The following DOCK4 variants were observed in gnomAD, a reference collection of about 807,000 sequenced individuals.
The protein encoded by DOCK4 is dedicator of cytokinesis 4, also known as dedicator of cytokinesis protein 4.
In DOCK4, 97 loss-of-function variants were observed where a neutral mutation model predicts 268.1. That is an observed-to-expected ratio of 0.36 (90% CI 0.31 to 0.43). DOCK4 has a LOEUF of 0.43. Ranked by LOEUF, DOCK4 falls within the 20% of genes least tolerant of loss-of-function variation. DOCK4 has a pLI of 1.00. For synonymous variants in DOCK4, 954 were observed against 887.2 expected, an observed-to-expected ratio of 1.08 and a Z score of -1.34; for missense variants, 2,145 against 2,455.7, an observed-to-expected ratio of 0.87 and a Z score of 2.67.
chr7:111,978,631 G>A (rs759435773), intron 7 of DOCK4, among the ~76,000 whole-genome samples: 1 of 152,186 alleles, frequency 6.6e-6, no homozygotes, highest in Non-Finnish European at 1.5e-5. Flanking sequence ...GGTAAGGAGG[G>A]TGCAGGACTT....
At chr7:111,821,323 TG>T (rs1801961360) in intron 27 of DOCK4, 1 of 152,038 alleles carries the variant, frequency 6.6e-6, no homozygotes, top group Non-Finnish European at 1.5e-5. Context: ...AGCATGAGGG[TG>T]TTGGCGTTTG....
intron 1 of DOCK4, among the ~76,000 whole-genome samples, chr7:112,151,353 A>G (rs1816052816): frequency 6.6e-6 from 1 of 152,150 alleles, no homozygotes; most frequent in Non-Finnish European, 1.5e-5. Context: ...CATGCATGTT[A>G]GGTACTCAAT....
At chr7:111,786,355 G>A (rs377090469) in intron 32 of DOCK4, among the ~76,000 whole-genome samples, 10 of 152,220 alleles carry the variant, frequency 6.6e-5, no homozygotes, top group African/African-American at 1.7e-4. Context: ...TAGATAAAGC[G>A]GAATGAGCGA....
intron 25 of DOCK4, among the ~76,000 whole-genome samples, chr7:111,835,720 G>A (rs1803184444): frequency 6.6e-6 from 1 of 152,190 alleles, no homozygotes; most frequent in African/African-American, 2.4e-5. Flanking sequence ...CATGGAAAGA[G>A]ACTACAGACT....
intron 12 of DOCK4, among the ~76,000 whole-genome samples, chr7:111,924,321 G>C (rs1219417703): frequency 6.6e-6 from 1 of 152,072 alleles, no homozygotes; most frequent in Non-Finnish European, 1.5e-5. Context: ...GATATGGAGT[G>C]GGTTACACAT....
intron 1 of DOCK4, among the ~76,000 whole-genome samples, chr7:112,070,761 A>G (rs1376572143): frequency 6.6e-6 from 1 of 152,238 alleles, no homozygotes; most frequent in African/African-American, 2.4e-5. Flanking sequence ...TGAACAAAAA[A>G]AGAAATCGCC....
At chr7:112,175,341 CAT>C (rs1818417355) in intron 1 of DOCK4, among the ~76,000 whole-genome samples, 1 of 152,170 alleles carries the variant, frequency 6.6e-6, no homozygotes, top group African/African-American at 2.4e-5. Context: ...TACCATTATA[CAT>C]GTTTTAAAAA....
intron 51 of DOCK4, among the ~76,000 whole-genome samples, chr7:111,733,845 TTTC>T (rs2133381691): frequency 6.6e-6 from 1 of 152,322 alleles, no homozygotes; most frequent in South Asian, 2.1e-4. Flanking sequence ...CTTAAAGTTA[TTTC>T]TTGTTTTCTT....
intron 1 of DOCK4, among the ~76,000 whole-genome samples, chr7:112,192,886 G>A (rs559339427): frequency 6.6e-6 from 1 of 152,008 alleles, no homozygotes; most frequent in South Asian, 2.1e-4. Context: ...AATGCAACAA[G>A]TAAATCTTTA....
At chr7:112,074,786 C>T (rs1586769145) in intron 1 of DOCK4, among the ~76,000 whole-genome samples, 1 of 152,204 alleles carries the variant, frequency 6.6e-6, no homozygotes, top group East Asian at 1.9e-4. Flanking sequence ...GGCTGGCCAA[C>T]CCTCCTTAAA....
At chr7:111,735,551 A>C (rs1795416047) in intron 50 of DOCK4, among the ~76,000 whole-genome samples, 1 of 152,240 alleles carries the variant, frequency 6.6e-6, no homozygotes, top group South Asian at 2.1e-4. Flanking sequence ...AAAATGGAGA[A>C]GGCAATGACA....
At chr7:112,185,899 A>C (rs1426549221) in intron 1 of DOCK4, among the ~76,000 whole-genome samples, 1 of 152,246 alleles carries the variant, frequency 6.6e-6, no homozygotes, top group Non-Finnish European at 1.5e-5. Context: ...CACTGGCTGC[A>C]GCTGAGGGTA....
At chr7:112,055,728 T>C (rs1199284121) in intron 1 of DOCK4, among the ~76,000 whole-genome samples, 1 of 151,894 alleles carries the variant, frequency 6.6e-6, no homozygotes, top group East Asian at 1.9e-4. Context: ...GCCAATGTGG[T>C]GAAACCCCGT....
intron 23 of DOCK4, among the ~76,000 whole-genome samples, chr7:111,849,697 T>C (rs990071468): frequency 2.6e-5 from 4 of 152,190 alleles, no homozygotes; most frequent in African/African-American, 9.7e-5. Context: ...TGTGAACTAA[T>C]GAAGCATCAC....
At chr7:112,026,798 GA>G (rs897480617) in intron 1 of DOCK4, among the ~76,000 whole-genome samples, 1 of 152,124 alleles carries the variant, frequency 6.6e-6, no homozygotes, top group Non-Finnish European at 1.5e-5. Flanking sequence ...ACCATTTACA[GA>G]AAGAGTTTTC....
At chr7:111,928,183 G>A (rs1411475268) in intron 12 of DOCK4, among the ~76,000 whole-genome samples, 4 of 152,068 alleles carry the variant, frequency 2.6e-5, no homozygotes, top group Non-Finnish European at 5.9e-5. Context: ...TGTTGTTGGG[G>A]CTTAATCCAT....
intron 1 of DOCK4, among the ~76,000 whole-genome samples, chr7:112,054,218 A>C (rs1805623208): frequency 6.6e-6 from 1 of 152,202 alleles, no homozygotes; most frequent in Non-Finnish European, 1.5e-5. Context: ...GGTACAGGAA[A>C]TGAGTACCTC....
At chr7:112,165,862 C>T (rs902244916) in intron 1 of DOCK4, among the ~76,000 whole-genome samples, 7 of 152,066 alleles carry the variant, frequency 4.6e-5, no homozygotes, top group African/African-American at 1.4e-4. Flanking sequence ...TAAACATCCT[C>T]GTCACGTTTC....
chr7:112,129,896 C>T lies in DOCK4; in HGVS notation c.37+76206G>A, dbSNP rs555837398. 6.6e-5 allele frequency among the ~76,000 whole-genome samples: 10 copies of T among 152,288 alleles called. No individual in the cohort carries two copies. In the South Asian group the frequency reaches 1.9e-3, roughly 28 times the overall value. ...AAACTCAAAATGCAATCCTCTGTCACACCTTTTATAGTGGGATAAAATGAA... is the reference window on the plus strand; with the variant it reads ...AAACTCAAAATGCAATCCTCTGTCATACCTTTTATAGTGGGATAAAATGAA... On this transcript the variant is annotated intron_variant, in intron 1 of 52. Coordinates refer to ENST00000428084, the MANE Select transcript of DOCK4 (RefSeq NM_001363540.2).
Sources: allele counts gnomAD v4.1 joint callset (sites outside exome capture counted in the v4.1 genomes callset), GRCh38; gene constraint gnomAD v4.1.1; transcripts MANE v1.5; gene names NCBI Gene and HGNC (gene_info 2026-07-23, HGNC 2026-07-21).